The following HTR7 variants were observed in gnomAD, a reference collection of about 807,000 sequenced individuals.
HTR7 encodes 5-hydroxytryptamine receptor 7.
HTR7 carries 16 observed loss-of-function variants against 34.0 expected under a neutral mutation model. The observed-to-expected ratio is 0.47, with a 90% CI of 0.32 to 0.71. The LOEUF is 0.71. Among genes scored for constraint, HTR7 ranks in the 30% least tolerant of loss-of-function variants. HTR7 has a pLI of 0.04. For missense variants in HTR7, 504 were observed against 625.5 expected (o/e 0.81, Z 2.07); for synonymous variants, 265 against 260.2 (o/e 1.02, Z -0.18).
intron 1 of HTR7, among the ~76,000 whole-genome samples, chr10:90,829,040 T>C (rs1205746384): frequency 2.0e-5 from 3 of 152,126 alleles, no homozygotes; most frequent in Non-Finnish European, 4.4e-5. Context: ...ACTAAAAAGA[T>C]CGTTCATCAT....
At chr10:90,805,247 T>C (rs1050495006) in intron 1 of HTR7, among the ~76,000 whole-genome samples, 6 of 152,186 alleles carry the variant, frequency 3.9e-5, no homozygotes. Context: ...AAAGCATGGT[T>C]TGGGCCCTAA....
intron 1 of HTR7, among the ~76,000 whole-genome samples, chr10:90,807,455 C>A (rs1026546972): frequency 3.9e-5 from 6 of 152,160 alleles, no homozygotes; most frequent in African/African-American, 1.4e-4. Context: ...CCTGTTCCTG[C>A]CTTAACTGAT....
chr10:90,851,423 G>A (rs1211871106), intron 1 of HTR7, among the ~76,000 whole-genome samples: 1 of 151,812 alleles, frequency 6.6e-6, no homozygotes, highest in South Asian at 2.1e-4. Context: ...TGGCTAACAA[G>A]GTGAAACCCC....
At chr10:90,841,792 G>C (rs1846333122) in intron 1 of HTR7, among the ~76,000 whole-genome samples, 1 of 152,048 alleles carries the variant, frequency 6.6e-6, no homozygotes, top group Non-Finnish European at 1.5e-5. Context: ...TTGAAGCTAG[G>C]AGCTCAAGAC....
intron 1 of HTR7, among the ~76,000 whole-genome samples, chr10:90,810,464 C>T (rs960917612): frequency 3.3e-5 from 5 of 152,152 alleles, no homozygotes; most frequent in African/African-American, 1.2e-4. Flanking sequence ...TATCACTCGC[C>T]TGCTACAGCA....
In HTR7 at chr10:90,758,162, C is replaced by T. The variant is rs149514630; in HGVS notation, c.540-8568G>A. 1.0e-3 allele frequency among the ~76,000 whole-genome samples: 159 copies of T among 151,780 alleles called. 2 individuals are homozygous for T. In the East Asian group the frequency reaches 0.022, roughly 21 times the overall value. The stretch of plus-strand genomic sequence containing the variant: ...GGAGTTCGAAACCACCCTGCCAATA[C>T]GGTGAAACCCTGTCTCTACTAAAAA... On this transcript the variant is annotated intron_variant, in intron 1 of 3. Coordinates refer to ENST00000336152, the MANE Select transcript of HTR7 (RefSeq NM_019859.4).
chr10:90,853,188 T>C (rs950697034), intron 1 of HTR7, among the ~76,000 whole-genome samples: 1 of 152,164 alleles, frequency 6.6e-6, no homozygotes, highest in Admixed American at 6.5e-5. Flanking sequence ...CACTATTTTA[T>C]ACTTTTACTC....
chr10:90,828,126 A>G (rs1386033842), intron 1 of HTR7, among the ~76,000 whole-genome samples: 1 of 152,270 alleles, frequency 6.6e-6, no homozygotes, highest in Non-Finnish European at 1.5e-5. Flanking sequence ...TTGTCAATGA[A>G]GAAATTAAGA....
intron 1 of HTR7, among the ~76,000 whole-genome samples, chr10:90,755,846 C>T (rs1305366534): frequency 6.6e-6 from 1 of 152,194 alleles, no homozygotes; most frequent in East Asian, 1.9e-4. Flanking sequence ...AATACACACT[C>T]TATGATCTAG....
chr10:90,840,177 TCACA>T (rs35170324), intron 1 of HTR7, among the ~76,000 whole-genome samples: 7,197 of 136,744 alleles, frequency 0.053, 212 homozygotes, highest in Middle Eastern at 0.095. Flanking sequence ...TCTCTCTCTC[TCACA>T]CACACACACA....
intron 1 of HTR7, among the ~76,000 whole-genome samples, chr10:90,810,305 C>G (rs185978656): frequency 6.6e-6 from 1 of 152,200 alleles, no homozygotes. Context: ...TGTATCCCCC[C>G]ACCTTAACCC....
At chr10:90,851,523 T>C (rs1039967884) in intron 1 of HTR7, among the ~76,000 whole-genome samples, 1 of 141,214 alleles carries the variant, frequency 7.1e-6, no homozygotes, top group African/African-American at 2.7e-5. Context: ...GAGAATGGTG[T>C]GAGTCCAGGA....
chr10:90,812,307 G>A (rs949779286), intron 1 of HTR7, among the ~76,000 whole-genome samples: 1 of 151,992 alleles, frequency 6.6e-6, no homozygotes, highest in Non-Finnish European at 1.5e-5. Context: ...TACATGCCCT[G>A]CTCTTGTTTA....
intron 1 of HTR7, among the ~76,000 whole-genome samples, chr10:90,770,372 G>A (rs1172739071): frequency 5.9e-5 from 9 of 152,168 alleles, no homozygotes; most frequent in Admixed American, 5.9e-4. Context: ...AGGACCTGGA[G>A]GCCCCACCCC....
Position 90,857,453 on chromosome 10 carries a change from C to T in HTR7, c.219G>A (p.Gln73=). ...PPDNASGCGE[Q]INYGRVEKVV... ...CTTTCTCGACTCTGCCGTAGTTGAT[C>T]TGTTCCCCACAGCCGGAGGCATTGT... Residue 73 remains glutamine, a synonymous_variant, in exon 1 of 4, where the codon CAG becomes CAA. Coordinates refer to ENST00000336152, the MANE Select transcript of HTR7 (RefSeq NM_019859.4). This position sits in a 1 kb window ranked among gnomAD's most constrained non-coding sequence, Gnocchi z 6.5. The T allele has an allele frequency of 6.2e-7, 1 of 1,613,982 alleles. No homozygotes were observed. Among genetic ancestry groups the T allele is most frequent in the Non-Finnish European group, 8.5e-7 (1 of 1,180,032 alleles).
At chr10:90,819,685 A>G (rs74595112) in intron 1 of HTR7, among the ~76,000 whole-genome samples, 2,666 of 152,268 alleles carry the variant, frequency 0.018, 66 homozygotes, top group Admixed American at 0.067. Context: ...GTTCAGCCTC[A>G]TTCCTTAGAA....
intron 1 of HTR7, among the ~76,000 whole-genome samples, chr10:90,805,509 T>C (rs1845691503): frequency 6.6e-6 from 1 of 152,228 alleles, no homozygotes; most frequent in Admixed American, 6.5e-5. Flanking sequence ...CAAACCTTGC[T>C]TGCCTTTGTT....
chr10:90,783,316 C>T (rs1342298059), intron 1 of HTR7, among the ~76,000 whole-genome samples: 1 of 152,132 alleles, frequency 6.6e-6, no homozygotes, highest in Non-Finnish European at 1.5e-5. Flanking sequence ...AATTTTCCTC[C>T]CCTGGGTCAT....
At chr10:90,803,910 T>G (rs1274360261) in intron 1 of HTR7, among the ~76,000 whole-genome samples, 1 of 152,102 alleles carries the variant, frequency 6.6e-6, no homozygotes, top group Non-Finnish European at 1.5e-5. Flanking sequence ...AAATGAGAAC[T>G]TCACATCCCT....
Sources: allele counts gnomAD v4.1 joint callset (sites outside exome capture counted in the v4.1 genomes callset), GRCh38; gene constraint gnomAD v4.1.1; non-coding constraint Gnocchi (gnomAD v3.1); transcripts MANE v1.5; gene names NCBI Gene and HGNC (gene_info 2026-07-23, HGNC 2026-07-21).